The following ETAA1 variants were observed in gnomAD, a reference collection of about 807,000 sequenced individuals.
ETAA1 encodes the protein ewing's tumor-associated antigen 1.
ETAA1 carries 49 observed loss-of-function variants against 76.8 expected under a neutral mutation model. The observed-to-expected ratio is 0.64, with a 90% CI of 0.51 to 0.81. The LOEUF is 0.81. ETAA1 is among the 30% of genes least tolerant of loss of function. ETAA1 has a pLI of 0.00. For synonymous variants in ETAA1, 373 were observed against 372.2 expected (o/e 1.00, Z -0.03); for missense variants, 1,099 against 1,074.0 (o/e 1.02, Z -0.32).
chr2:67,408,738 A>G (rs115311575), intron 5 of ETAA1, among the ~76,000 whole-genome samples: 6,759 of 152,262 alleles, frequency 0.044, 228 homozygotes, highest in Middle Eastern at 0.088. Context: ...ATTATTTTCT[A>G]TAATATTGCC....
chr2:67,402,403 A>T (rs72835805), intron 3 of ETAA1: 7,720 of 151,944 alleles, frequency 0.051, 277 homozygotes, highest in Middle Eastern at 0.079. Context: ...TATAATAAGG[A>T]TAAAGAAAAT....
In ETAA1 at chr2:67,404,392, A is replaced by C. The variant is rs537035851; in HGVS notation, c.1710A>C (p.Ala570=). Reference sequence around the variant, plus strand: ...TTAGTAACCCAAATCAGACTAGTGCATCAAAAGTAGGTTCTTTCTTTGATG... The same window carrying C: ...TTAGTAACCCAAATCAGACTAGTGCCTCAAAAGTAGGTTCTTTCTTTGATG... The part of the protein sequence containing the change: ...TSVSNPNQTS[A]SKVGSFFDDW... Residue 570 remains alanine, a synonymous_variant, in exon 5 of 6, where the codon GCA becomes GCC. Transcript: ENST00000272342. 7.1e-5 allele frequency: 114 copies of C among 1,613,220 alleles called. No homozygotes were observed. Among genetic ancestry groups the C allele is most frequent in the Non-Finnish European group, 9.3e-5 (110 of 1,179,504 alleles).
chr2:67,401,216 TAAAC>T (rs896878835), intron 3 of ETAA1: 3 of 152,082 alleles, frequency 2.0e-5, no homozygotes, highest in African/African-American at 7.2e-5. Flanking sequence ...GTTACCCTCT[TAAAC>T]TGAGTACTTT....
At chr2:67,399,748 C>G in intron 3 of ETAA1, 122 bp downstream of exon 3, 1 of 582,420 alleles carries the variant, frequency 1.7e-6, no homozygotes, top group Non-Finnish European at 2.9e-6. Flanking sequence ...AATAAGGCAG[C>G]AAAGATTACT....
chr2:67,403,461 A>C lies in ETAA1; in HGVS notation c.779A>C (p.Lys260Thr). Residue 260 changes from lysine to threonine, a missense_variant, in exon 5 of 6, where the codon AAG becomes ACG. By Grantham distance (78) the Lys-to-Thr change is moderately conservative. Around this residue, in one of 3 missense-constraint regions of ETAA1, gnomAD observed 761 missense variants for 731.9 expected, o/e 1.04. Coordinates refer to ENST00000272342, the MANE Select transcript of ETAA1 (RefSeq NM_019002.4). Reference sequence around the variant, plus strand: ...AAAAAGCCAATCAAAGGAAACACCAAGATATCTGTGGCAAATAATCAAAAT... The same window carrying C: ...AAAAAGCCAATCAAAGGAAACACCACGATATCTGTGGCAAATAATCAAAAT... ...ATKKPIKGNT[K>T]ISVANNQNSS... 1 of 1,613,374 alleles carries C rather than the reference A, an allele frequency of 6.2e-7. No individual in the cohort carries two copies.
In ETAA1 at chr2:67,409,947, A is replaced by G; in HGVS notation, c.2690A>G (p.Glu897Gly). Residue 897 changes from glutamate (E) to glycine (G), a missense_variant, in exon 6 of 6, where the codon GAA (glutamate) becomes GGA (glycine). By Grantham distance (98) the Glu-to-Gly change is moderately conservative. Coordinates refer to ENST00000272342, the MANE Select transcript of ETAA1 (RefSeq NM_019002.4). ...EEKNRKCSPE[E>G]IQRKRQEALV... ...AAAAATAGAAAGTGTTCTCCTGAAG[A>G]AATTCAGAGAAAAAGACAAGAAGCA... 1 of 1,607,178 alleles carries G rather than the reference A, an allele frequency of 6.2e-7. No individual in the cohort carries two copies. The highest frequency in any genetic ancestry group is 1.7e-5 in the Admixed American group (1 of 58,408).
chr2:67,405,422 T>C (rs1676191056), intron 5 of ETAA1, 87 bp downstream of exon 5: 1 of 1,037,160 alleles, frequency 9.6e-7, no homozygotes, highest in Non-Finnish European at 1.4e-6. Flanking sequence ...GTGTGAGTAA[T>C]GTATAAGGTA....
In ETAA1 at chr2:67,405,216, C is replaced by A. The variant is rs116214347; in HGVS notation, c.2534C>A (p.Ser845Tyr). The part of the protein sequence containing the change: ...FNQNCITGSM[S>Y]DTKITQGVEK... Reference sequence around the variant, plus strand: ...CAAAATTGTATAACTGGAAGTATGTCTGATACCAAAATTACACAGGGTGTG... The same window carrying A: ...CAAAATTGTATAACTGGAAGTATGTATGATACCAAAATTACACAGGGTGTG... The change falls in exon 5 of 6, where the codon TCT becomes TAT. Residue 845 changes from serine to tyrosine, a missense_variant. By Grantham distance (144) the Ser-to-Tyr change is moderately radical. This residue lies in a region of ETAA1 where 302 missense variants were observed against 278.1 expected (regional missense o/e 1.09). Coordinates refer to ENST00000272342, the MANE Select transcript of ETAA1 (RefSeq NM_019002.4). 4,729 of 1,612,528 alleles carry A rather than the reference C, an allele frequency of 2.9e-3. 101 individuals are homozygous for A. The African/African-American group carries it at 0.054, about 18-fold the overall frequency.
At chr2:67,407,144 T>A (rs767745119) in intron 5 of ETAA1, among the ~76,000 whole-genome samples, 1 of 151,650 alleles carries the variant, frequency 6.6e-6, no homozygotes, top group African/African-American at 2.4e-5. Context: ...AATAATTCTC[T>A]ACACCCAAGG....
In ETAA1 at chr2:67,403,782, C is replaced by A. The variant is rs1304469277; in HGVS notation, c.1100C>A (p.Ser367Tyr). The change falls in exon 5 of 6, where the codon TCT becomes TAT. Residue 367 changes from serine (S) to tyrosine (Y), a missense_variant. This residue lies in a region of ETAA1 where 761 missense variants were observed against 731.9 expected (regional missense o/e 1.04). Transcript: ENST00000272342. The stretch of plus-strand genomic sequence containing the variant: ...TCCTGTACTAAGGAGCCAGAAACTT[C>A]TAATAAGTACATTGATGCATTTACT... ...VTSCTKEPET[S>Y]NKYIDAFTTS... 1 of 1,613,154 alleles carries A rather than the reference C, an allele frequency of 6.2e-7. No homozygotes were observed. Among genetic ancestry groups the A allele is most frequent in the African/African-American group, 1.3e-5 (1 of 74,880 alleles).
In ETAA1 at chr2:67,403,718, C is replaced by G; in HGVS notation, c.1036C>G (p.Gln346Glu). Residue 346 changes from glutamine (Q) to glutamate (E), a missense_variant, in exon 5 of 6, where the codon CAA becomes GAA. This residue lies in a region of ETAA1 where 761 missense variants were observed against 731.9 expected (regional missense o/e 1.04). Transcript: ENST00000272342. ...TAAAACCCCACGATCACTTTCTTCT[C>G]AAGTAGATACACCCATAATGACAAA... is the stretch of plus-strand genomic sequence containing the variant. ...SNKTPRSLSS[Q>E]VDTPIMTKSC... The G allele has an allele frequency of 6.2e-7, 1 of 1,613,396 alleles. No individual in the cohort carries two copies. The highest frequency in any genetic ancestry group is 8.5e-7 in the Non-Finnish European group (1 of 1,179,488).
intron 5 of ETAA1, among the ~76,000 whole-genome samples, chr2:67,408,117 T>A (rs1046759395): frequency 1.3e-5 from 2 of 152,170 alleles, no homozygotes; most frequent in Admixed American, 1.3e-4. Context: ...TACTATTAAC[T>A]TTGTTGATGT....
chr2:67,410,054 A>G lies in ETAA1; in HGVS notation c.*16A>G. ...ATTTCTTTAATGAAATATTAGTTGG[A>G]AGACTTCACGAAGACTGCTGATAAC... On this transcript the variant is annotated 3_prime_UTR_variant, in exon 6 of 6. Coordinates refer to ENST00000272342, the MANE Select transcript of ETAA1 (RefSeq NM_019002.4). 14 of 1,596,002 alleles carry G rather than the reference A, an allele frequency of 8.8e-6. No homozygotes were observed. Among genetic ancestry groups the G allele is most frequent in the Middle Eastern group, 1.7e-4 (1 of 6,020 alleles).
At chr2:67,397,744 TC>T in intron 1 of ETAA1, 73 bp downstream of exon 1, 1 of 1,430,864 alleles carries the variant, frequency 7.0e-7, no homozygotes, top group Non-Finnish European at 9.5e-7. Context: ...AACAGGGAAA[TC>T]TGGGGTGGGG....
intron 3 of ETAA1, chr2:67,401,851 T>C (rs766958320): frequency 6.6e-6 from 1 of 151,920 alleles, no homozygotes; most frequent in Non-Finnish European, 1.5e-5. Context: ...TAGGTTCAAG[T>C]TGACATTAAG....
intron 1 of ETAA1, among the ~76,000 whole-genome samples, chr2:67,398,780 G>A (rs1675971903): frequency 6.6e-6 from 1 of 152,218 alleles, no homozygotes; most frequent in Admixed American, 6.5e-5. Flanking sequence ...ATTAGATAGA[G>A]TTGGTGAAAG....
In ETAA1 at chr2:67,405,036, C is replaced by T; in HGVS notation, c.2354C>T (p.Thr785Ile). 1.9e-6 allele frequency: 3 copies of T among 1,611,368 alleles called. No individual in the cohort carries two copies. The South Asian group carries it at 3.3e-5, about 18-fold the overall frequency. Residue 785 changes from threonine (T) to isoleucine (I), a missense_variant, in exon 5 of 6, where the codon ACA becomes ATA. Thr to Ile is a moderately conservative substitution (Grantham distance 89). Coordinates refer to ENST00000272342, the MANE Select transcript of ETAA1 (RefSeq NM_019002.4). ...AATGTAACTTCAGATCATATGAATA[C>T]AGAAATTACTACTTATAAGAAGAAA... The part of the protein sequence containing the change: ...SLNVTSDHMN[T>I]EITTYKKKLS...
Position 67,410,138 on chromosome 2 carries a change from AC to A in ETAA1, c.*101del, listed in dbSNP as rs1438724451. 9.3e-7 allele frequency: 1 copy of A among 1,078,184 alleles called. No homozygotes were observed. Among genetic ancestry groups the A allele is most frequent in the African/African-American group, 1.6e-5 (1 of 60,858 alleles). 66.8% of individuals were successfully genotyped at this position (1,078,184 alleles called of 1,614,324 possible). On this transcript the variant is annotated 3_prime_UTR_variant, in exon 6 of 6. Coordinates refer to ENST00000272342, the MANE Select transcript of ETAA1 (RefSeq NM_019002.4). ...TTTCTCTGTGAGAAATGTAATGCTGACTTTTATAAAGCCTGGACTTCTACTT... is the reference window on the plus strand; with the variant it reads ...TTTCTCTGTGAGAAATGTAATGCTGATTTTATAAAGCCTGGACTTCTACTT...
chr2:67,401,968 G>A (rs1196301332), intron 3 of ETAA1: 1 of 151,824 alleles, frequency 6.6e-6, no homozygotes, highest in Non-Finnish European at 1.5e-5. Context: ...GCCCAATATT[G>A]TGCTGGATGC....
Sources: gnomAD v4.1 joint callset for allele counts (sites outside exome capture counted in the v4.1 genomes callset) on GRCh38, gnomAD v4.1.1 for gene constraint, gnomAD v4.1.1 regional missense constraint, MANE v1.5 for transcripts, NCBI Gene and HGNC (gene_info 2026-07-23, HGNC 2026-07-21) for gene names.